The following EFR3B variants were observed in gnomAD, a reference collection of about 807,000 sequenced individuals.
The protein encoded by EFR3B is protein EFR3 homolog B.
Under a neutral mutation model 104.7 loss-of-function variants are expected in EFR3B, and 64 were observed. That is an observed-to-expected ratio of 0.61 (90% CI 0.50 to 0.75). EFR3B has a LOEUF of 0.75. Ranked by LOEUF, EFR3B falls within the 30% of genes least tolerant of loss-of-function variation. The pLI is 0.00. For missense variants in EFR3B, 750 were observed against 1,078.5 expected (o/e 0.70, Z 4.27); for synonymous variants, 385 against 417.9 (o/e 0.92, Z 0.96).
intron 16 of EFR3B, among the ~76,000 whole-genome samples, chr2:25,139,706 G>A (rs1249244475): frequency 1.3e-5 from 2 of 152,128 alleles, no homozygotes; most frequent in African/African-American, 2.4e-5. Context: ...CTCCCCATTT[G>A]CTTCATCTGT....
In EFR3B at chr2:25,136,460, C is replaced by A; in HGVS notation, c.1485-63C>A. ...CAATGTTGGGGATAAAGCTCAGTGA[C>A]CCCGTGTGAGCTCAGGCTGGCCTCA... On this transcript the variant is annotated intron_variant, in intron 13 of 22. Transcript: ENST00000403714. The surrounding 1 kb of genome is among the most constrained non-coding windows in gnomAD (Gnocchi z 4.0). 7.4e-7 allele frequency: 1 copy of A among 1,347,530 alleles called. No individual in the cohort carries two copies. The highest frequency in any genetic ancestry group is 1.4e-5 in the African/African-American group (1 of 69,040). 83.5% of individuals were successfully genotyped at this position (1,347,530 alleles called of 1,614,324 possible).
chr2:25,091,347 C>T lies in EFR3B; in HGVS notation c.30C>T (p.Ala10=). The change falls in exon 2 of 23, where the codon GCC becomes GCT. Residue 10 remains alanine, a synonymous_variant. Coordinates refer to ENST00000403714, the MANE Select transcript of EFR3B (RefSeq NM_014971.2). MYGVCGCCG[A]LRPRYKRLVD... ...CAGGTGTGTGTGGCTGCTGTGGTGC[C>T]CTACGCCCCAGGTACAAAAGGCTGG... 1 of 1,550,322 alleles carries T rather than the reference C, an allele frequency of 6.5e-7. No homozygotes were observed. The highest frequency in any genetic ancestry group is 8.7e-7 in the Non-Finnish European group (1 of 1,146,460).
In EFR3B at chr2:25,043,487, TGAGA is replaced by T. The variant is rs144097629; in HGVS notation, c.7+1181_7+1184del. Among the ~76,000 whole-genome samples, 259 of 151,368 alleles carry T rather than the reference TGAGA, an allele frequency of 1.7e-3. 4 individuals carry two copies. The highest frequency in any genetic ancestry group is 6.0e-3 in the African/African-American group (248 of 41,340). On this transcript the variant is annotated intron_variant, in intron 1 of 22. Coordinates refer to ENST00000403714, the MANE Select transcript of EFR3B (RefSeq NM_014971.2). ...CTCAGCAATTGGTGGGCCCCCCTAC[TGAGA>T]GAGAGAGAGAGACTGACTCAACTTT...
chr2:25,089,751 C>T (rs560499206), intron 1 of EFR3B, among the ~76,000 whole-genome samples: 4 of 152,224 alleles, frequency 2.6e-5, no homozygotes, highest in Non-Finnish European at 5.9e-5. Context: ...ATGCCAGGAA[C>T]GAGGTCGAGC....
At position 25,131,788 on chromosome 2, in the gene EFR3B, C is replaced by T. The variant is rs1192999157; in HGVS notation, c.1024C>T (p.Gln342Ter). 1 of 1,543,648 alleles carries T rather than the reference C, an allele frequency of 6.5e-7. No individual in the cohort carries two copies. The highest frequency in any genetic ancestry group is 1.2e-5 in the South Asian group (1 of 82,840). The change falls in exon 10 of 23, where the codon CAG becomes TAG. Residue 342 changes from glutamine (Q) to a stop codon, truncating the protein, a stop_gained. Coordinates refer to ENST00000403714, the MANE Select transcript of EFR3B (RefSeq NM_014971.2). LOFTEE classifies it high-confidence loss of function. The surrounding 1 kb of genome is among the most constrained non-coding windows in gnomAD (Gnocchi z 7.6). ...VLEMFNTLLR[Q>*]LRLSIDYALT... ...GGAGATGTTCAACACGCTGCTGAGGCAGCTGCGGCTCAGCATCGACTACGC... is the reference window on the plus strand; with the variant it reads ...GGAGATGTTCAACACGCTGCTGAGGTAGCTGCGGCTCAGCATCGACTACGC...
intron 3 of EFR3B, among the ~76,000 whole-genome samples, chr2:25,093,809 T>C (rs1367829831): frequency 6.6e-6 from 1 of 152,168 alleles, no homozygotes; most frequent in Admixed American, 6.5e-5. Flanking sequence ...GGAGGAGTCA[T>C]CTACATTCTA....
chr2:25,149,299 G>C (rs955648946), intron 19 of EFR3B, among the ~76,000 whole-genome samples: 5 of 152,194 alleles, frequency 3.3e-5, no homozygotes, highest in Non-Finnish European at 7.3e-5. Flanking sequence ...AGTGAGCCAA[G>C]ATCATGCCAC....
At chr2:25,146,922 CAT>C (rs1194660581) in intron 19 of EFR3B, 1 of 152,404 alleles carries the variant, frequency 6.6e-6, no homozygotes, top group Non-Finnish European at 1.5e-5. Context: ...CCCAGCCATG[CAT>C]AGTCTGGGCT....
At chr2:25,058,769 C>A (rs576183893) in intron 1 of EFR3B, among the ~76,000 whole-genome samples, 2 of 137,656 alleles carry the variant, frequency 1.5e-5, no homozygotes, top group African/African-American at 5.6e-5. Flanking sequence ...CCCGCGCCCC[C>A]CCCCCCAAAA....
chr2:25,128,403 G>A (rs1055793967), intron 6 of EFR3B, 71 bp downstream of exon 6: 24 of 1,535,004 alleles, frequency 1.6e-5, no homozygotes, highest in Non-Finnish European at 2.1e-5. Flanking sequence ...GAACCACATG[G>A]TTTGGGTTGG....
At chr2:25,070,244 G>A (rs548640324) in intron 1 of EFR3B, among the ~76,000 whole-genome samples, 39 of 152,088 alleles carry the variant, frequency 2.6e-4, no homozygotes, top group African/African-American at 9.4e-4. Context: ...TGTGATTACC[G>A]GGGGCTTCTG....
At chr2:25,071,436 T>C (rs928293944) in intron 1 of EFR3B, among the ~76,000 whole-genome samples, 2 of 151,570 alleles carry the variant, frequency 1.3e-5, no homozygotes, top group African/African-American at 2.4e-5. Flanking sequence ...ATTTTTTGTA[T>C]TTTTAGTAGA....
At chr2:25,100,367 G>A (rs918958557) in intron 3 of EFR3B, among the ~76,000 whole-genome samples, 2 of 152,162 alleles carry the variant, frequency 1.3e-5, no homozygotes, top group African/African-American at 2.4e-5. Context: ...TTAAAATCCC[G>A]TGGTGGCAGC....
At chr2:25,069,277 A>G (rs1245622686) in intron 1 of EFR3B, among the ~76,000 whole-genome samples, 2 of 152,208 alleles carry the variant, frequency 1.3e-5, no homozygotes, top group African/African-American at 4.8e-5. Context: ...GCCAGGGTCA[A>G]TTAAAGCGAG....
intron 19 of EFR3B, among the ~76,000 whole-genome samples, chr2:25,148,602 G>A (rs754417633): frequency 2.0e-5 from 3 of 151,554 alleles, no homozygotes; most frequent in Admixed American, 6.6e-5. Flanking sequence ...TGCTCAAGTC[G>A]CATTGGTGGG....
At chr2:25,043,889 C>T (rs1667646703) in intron 1 of EFR3B, among the ~76,000 whole-genome samples, 1 of 152,120 alleles carries the variant, frequency 6.6e-6, no homozygotes, top group Non-Finnish European at 1.5e-5. Flanking sequence ...ACAGGCTCAT[C>T]AGAATGGGTC....
At chr2:25,092,445 G>T (rs1669154571) in intron 2 of EFR3B, among the ~76,000 whole-genome samples, 2 of 121,308 alleles carry the variant, frequency 1.6e-5, no homozygotes, top group African/African-American at 2.9e-5. Flanking sequence ...CACACACACG[G>T]TATATATATA....
chr2:25,100,214 A>AT (rs1377520661), intron 3 of EFR3B, among the ~76,000 whole-genome samples: 2 of 151,472 alleles, frequency 1.3e-5, no homozygotes, highest in African/African-American at 4.8e-5. Flanking sequence ...CAAAAAAAAA[A>AT]TTTTTTTTTA....
At chr2:25,103,878 T>C (rs1275272544) in intron 4 of EFR3B, 91 bp downstream of exon 4, 1 of 1,461,750 alleles carries the variant, frequency 6.8e-7, no homozygotes, top group African/African-American at 1.4e-5. Context: ...CACTGTCATG[T>C]TCTGTTCCTT....
Sources: gnomAD v4.1 joint callset for allele counts (sites outside exome capture counted in the v4.1 genomes callset) on GRCh38, gnomAD v4.1.1 for gene constraint, Gnocchi (gnomAD v3.1) non-coding constraint, MANE v1.5 for transcripts, NCBI Gene and HGNC (gene_info 2026-07-23, HGNC 2026-07-21) for gene names.